Variants in OPN4 observed in about 807,000 individuals in gnomAD.
The protein encoded by OPN4 is opsin 4.
In OPN4, 43 loss-of-function variants were observed where a neutral mutation model predicts 49.5. The observed-to-expected ratio is 0.87, with a 90% CI of 0.68 to 1.12. The LOEUF (loss-of-function observed/expected upper bound fraction) is 1.12. Ranked by LOEUF, OPN4 falls within the 50% of genes most tolerant of loss-of-function variation. The probability of loss-of-function intolerance (pLI) is 0.00; values close to 1 mark genes in which losing one functional copy is unlikely to be tolerated. For missense variants in OPN4, 657 were observed against 643.9 expected, an observed-to-expected ratio of 1.02 and a Z score of -0.22; for synonymous variants, 263 against 258.0, an observed-to-expected ratio of 1.02 and a Z score of -0.19.
chr10:86,656,320 G>A lies in OPN4; in HGVS notation c.290+20G>A. On this transcript the variant is annotated intron_variant, in intron 2 of 9. Coordinates refer to ENST00000241891, the MANE Select transcript of OPN4 (RefSeq NM_033282.4). ...CTGCAGGTGCCTGGTTGGTGGTGCTGGGCCCAGGGCACTGAGGGTGGCAGC... is the reference window on the plus strand; with the variant it reads ...CTGCAGGTGCCTGGTTGGTGGTGCTAGGCCCAGGGCACTGAGGGTGGCAGC... 2 of 1,572,850 alleles carry A rather than the reference G, an allele frequency of 1.3e-6. No homozygotes were observed. Among genetic ancestry groups the A allele is most frequent in the South Asian group, 1.2e-5 (1 of 84,050 alleles).
In OPN4 at chr10:86,656,161, G is replaced by A; in HGVS notation, c.151G>A (p.Gly51Arg). 1.2e-6 allele frequency: 2 copies of A among 1,614,204 alleles called. No homozygotes were observed. Among genetic ancestry groups the A allele is most frequent in the Non-Finnish European group, 8.5e-7 (1 of 1,180,038 alleles). Residue 51 changes from glycine (G) to arginine (R), a missense_variant, in exon 2 of 10, where the codon GGG becomes AGG. Coordinates refer to ENST00000241891, the MANE Select transcript of OPN4 (RefSeq NM_033282.4). ...TTTCTCTGTCTCTCCGCAGGCACCT[G>A]GGACTTGGGCTGCTGCCTGGGTCCC... ...RLPSISPTAP[G>R]TWAAAWVPLP...
At chr10:86,664,123 G>A in intron 9 of OPN4, 1 of 263,620 alleles carries the variant, frequency 3.8e-6, no homozygotes, top group Non-Finnish European at 7.2e-6. Flanking sequence ...TAGGAGGTCT[G>A]CAGCCGTCAG....
At chr10:86,660,129 C>A in intron 6 of OPN4, 70 bp downstream of exon 6, 1 of 1,549,626 alleles carries the variant, frequency 6.5e-7, no homozygotes, top group Non-Finnish European at 8.9e-7. Context: ...CCTGGCCAGC[C>A]TCTCCTTCCC....
chr10:86,655,037 T>C, intron 1 of OPN4, 110 bp downstream of exon 1: 1 of 1,158,176 alleles, frequency 8.6e-7, no homozygotes, highest in Non-Finnish European at 1.2e-6. Flanking sequence ...GTCTGAACTC[T>C]GCTGTGGGGC....
Position 86,663,596 on chromosome 10 carries a change from A to AG in OPN4, c.1255-60dup, listed in dbSNP as rs1281162908. The AG allele has an allele frequency of 8.5e-6, 12 of 1,404,814 alleles. No homozygotes were observed. The African/African-American group carries it at 1.4e-4, about 17-fold the overall frequency. 87.0% of individuals were successfully genotyped at this position (1,404,814 alleles called of 1,614,324 possible). ...GGATGAAGGAGGGCCTGGTGGGGTA[A>AG]GGGCAGGAGCAAAGCTACGGACTGT... On this transcript the variant is annotated intron_variant, in intron 8 of 9. Coordinates refer to ENST00000241891, the MANE Select transcript of OPN4 (RefSeq NM_033282.4).
At position 86,658,706 on chromosome 10, in the gene OPN4, C is replaced by G; in HGVS notation, c.628+19C>G. The G allele has an allele frequency of 3.1e-6, 5 of 1,608,368 alleles. No homozygotes were observed. Among genetic ancestry groups the G allele is most frequent in the Non-Finnish European group, 4.2e-6 (5 of 1,179,606 alleles). Reference sequence around the variant, plus strand: ...GGCTGGAGTAAGTGGGCTGCTGGAACTGGAAGGGGGGCAGATGGGCTGGGA... The same window carrying G: ...GGCTGGAGTAAGTGGGCTGCTGGAAGTGGAAGGGGGGCAGATGGGCTGGGA... On this transcript the variant is annotated intron_variant, in intron 4 of 9. Coordinates refer to ENST00000241891, the MANE Select transcript of OPN4 (RefSeq NM_033282.4).
At chr10:86,662,130 C>A (rs71473271) in intron 7 of OPN4, 122 bp from the exon 8 acceptor site, 10 of 785,928 alleles carry the variant, frequency 1.3e-5, no homozygotes, top group African/African-American at 1.2e-4. Context: ...GTCTGAGCCT[C>A]CCCATTTCCC....
At position 86,666,321 on chromosome 10, in the gene OPN4, A is replaced by G. The variant is rs1426068949; in HGVS notation, c.*570A>G. The G allele has an allele frequency of 2.1e-5, 4 of 188,042 alleles. No individual in the cohort carries two copies. The highest frequency in any genetic ancestry group is 9.4e-5 in the African/African-American group (4 of 42,692). The allele number at this position is 188,042 out of a possible 1,614,324, so 11.6% of individuals were successfully genotyped here. A position where few individuals can be genotyped will look rare whatever the true frequency, so the allele number is the denominator to read the frequency against. On this transcript the variant is annotated 3_prime_UTR_variant, in exon 10 of 10. Transcript: ENST00000241891. ...CAGGCACGCTCTCGCGTAGTTACCT[A>G]TCTGAATGCACACCAAGCACATGCG...
intron 9 of OPN4, among the ~76,000 whole-genome samples, chr10:86,665,195 G>A (rs1197818297): frequency 2.0e-5 from 3 of 152,138 alleles, no homozygotes; most frequent in African/African-American, 7.2e-5. Context: ...TTGGCAGTGG[G>A]GGACATAGGA....
chr10:86,658,212 A>G, intron 3 of OPN4, 47 bp downstream of exon 3: 1 of 1,604,004 alleles, frequency 6.2e-7, no homozygotes, highest in Non-Finnish European at 8.5e-7. Flanking sequence ...GAGGGTTTTG[A>G]CCTGGGGATG....
At chr10:86,660,652 G>C (rs1365163299) in intron 6 of OPN4, among the ~76,000 whole-genome samples, 1 of 152,202 alleles carries the variant, frequency 6.6e-6, no homozygotes, top group Non-Finnish European at 1.5e-5. Flanking sequence ...GGTGGGGTGT[G>C]AGAAGAGCTA....
At chr10:86,655,759 A>C (rs1218694130) in intron 1 of OPN4, among the ~76,000 whole-genome samples, 1 of 152,112 alleles carries the variant, frequency 6.6e-6, no homozygotes, top group African/African-American at 2.4e-5. Context: ...AGGCCTCAAA[A>C]ACTGTCTTGG....
rs192913605 is a variant in OPN4, at chr10:86,661,329, C to T, written c.1014C>T (p.Ile338=). 5.0e-6 allele frequency: 8 copies of T among 1,614,114 alleles called. No individual in the cohort carries two copies. Among genetic ancestry groups the T allele is most frequent in the African/African-American group, 4.0e-5 (3 of 75,042 alleles). Residue 338 remains isoleucine (I), a synonymous_variant, in exon 7 of 10, where the codon ATC becomes ATT. Coordinates refer to ENST00000241891, the MANE Select transcript of OPN4 (RefSeq NM_033282.4). ...TPYMSSVPAV[I]AKASAIHNPI... is the part of the protein sequence containing the mutation. ...ACATGAGCTCGGTGCCAGCCGTCAT[C>T]GCCAAGGCCTCTGCAATCCACAACC...
chr10:86,657,918 G>A (rs1843908421), intron 2 of OPN4, 114 bp from the exon 3 acceptor site: 3 of 1,121,704 alleles, frequency 2.7e-6, no homozygotes, highest in Non-Finnish European at 3.8e-6. Context: ...ATGTGTGTGT[G>A]CATGTGTAAG....
At chr10:86,660,228 GT>G (rs1162505214) in intron 6 of OPN4, among the ~76,000 whole-genome samples, 169 bp downstream of exon 6, 1 of 152,222 alleles carries the variant, frequency 6.6e-6, no homozygotes, top group East Asian at 1.9e-4. Flanking sequence ...CCCGGGGTGG[GT>G]GGGGGGCCAC....
intron 5 of OPN4, among the ~76,000 whole-genome samples, 162 bp from the exon 6 acceptor site, chr10:86,659,733 A>G (rs1843958516): frequency 6.6e-6 from 1 of 152,182 alleles, no homozygotes; most frequent in African/African-American, 2.4e-5. Flanking sequence ...ACCTCATGTC[A>G]CAGAAAACTT....
chr10:86,664,316 G>A (rs1470913722), intron 9 of OPN4, among the ~76,000 whole-genome samples: 3 of 152,196 alleles, frequency 2.0e-5, no homozygotes, highest in African/African-American at 7.2e-5. Context: ...TGACTGCGAG[G>A]TTGGACATAC....
chr10:86,661,450 C>T, intron 7 of OPN4, 62 bp downstream of exon 7: 2 of 1,203,752 alleles, frequency 1.7e-6, no homozygotes, highest in Non-Finnish European at 2.4e-6. Flanking sequence ...CCGATGGGGG[C>T]AGAGGCCACC....
At chr10:86,656,381 T>G in intron 2 of OPN4, 81 bp downstream of exon 2, 2 of 1,494,548 alleles carry the variant, frequency 1.3e-6, no homozygotes, top group Non-Finnish European at 1.8e-6. Context: ...GCAGGAATGT[T>G]GACTCTAGCT....
Sources: allele counts gnomAD v4.1 joint callset (sites outside exome capture counted in the v4.1 genomes callset), GRCh38; gene constraint gnomAD v4.1.1; transcripts MANE v1.5; gene names NCBI Gene and HGNC (gene_info 2026-07-23, HGNC 2026-07-21).